Variants in WWOX observed in about 807,000 individuals in gnomAD.
The protein encoded by WWOX is WW domain-containing oxidoreductase.
A neutral mutation model predicts 46.2 loss-of-function variants in WWOX; 69 were observed. That is an observed-to-expected ratio of 1.49 (90% CI 1.23 to 1.82). WWOX has a LOEUF of 1.82. Ranked by LOEUF, WWOX falls within the 40% of genes most tolerant of loss-of-function variation. WWOX has a pLI of 0.00. For missense variants in WWOX, 919 were observed against 542.6 expected, an observed-to-expected ratio of 1.69 and a Z score of -6.89; for synonymous variants, 359 against 202.6, an observed-to-expected ratio of 1.77 and a Z score of -6.56.
chr16:79,157,455 A>G (rs1256941809), intron 8 of WWOX, among the ~76,000 whole-genome samples: 6 of 151,764 alleles, frequency 4.0e-5, no homozygotes, highest in Admixed American at 2.0e-4. Flanking sequence ...CCACAAAACC[A>G]TACCTTCTTT....
intron 8 of WWOX, among the ~76,000 whole-genome samples, chr16:78,901,433 T>G (rs2044828654): frequency 6.6e-6 from 1 of 152,234 alleles, no homozygotes; most frequent in African/African-American, 2.4e-5. Context: ...CCACAACCAC[T>G]TCTGTTTCAT....
intron 8 of WWOX, among the ~76,000 whole-genome samples, chr16:78,893,177 G>C: frequency 6.6e-6 from 1 of 151,338 alleles, no homozygotes; most frequent in Non-Finnish European, 1.5e-5. Flanking sequence ...ACTATGAGAT[G>C]GAATGACTAT....
intron 8 of WWOX, among the ~76,000 whole-genome samples, chr16:78,984,029 C>T (rs2046736065): frequency 1.3e-5 from 2 of 151,646 alleles, no homozygotes; most frequent in South Asian, 4.1e-4. Context: ...AGGCGCCTGC[C>T]ACCATGCCCG....
In WWOX at chr16:78,339,706, G is replaced by A. The variant is rs1417980534; in HGVS notation, c.517-47154G>A. Among the ~76,000 whole-genome samples the A allele has an allele frequency of 1.7e-5, 2 of 118,578 alleles. 1 individual carries two copies. The allele number at this position is 118,578 out of a possible 152,430, so 77.8% of individuals were successfully genotyped here. ...ATTCATTGTTAGGGATAGAATTACA[G>A]ATTTAAAATCAATTTTGCTTCAGAG... On this transcript the variant is annotated intron_variant, in intron 5 of 8. Transcript: ENST00000566780.
intron 8 of WWOX, among the ~76,000 whole-genome samples, chr16:79,090,454 A>G (rs984457320): frequency 5.3e-5 from 8 of 152,196 alleles, no homozygotes; most frequent in Non-Finnish European, 1.2e-4. Flanking sequence ...ACAGCAGTGA[A>G]CAAAGGAAAT....
chr16:79,097,630 C>T (rs1279990624), intron 8 of WWOX, among the ~76,000 whole-genome samples: 4 of 152,276 alleles, frequency 2.6e-5, no homozygotes, highest in African/African-American at 7.2e-5. Flanking sequence ...CATTCAACAT[C>T]GTACTCCAAA....
chr16:78,706,379 C>G (rs1408620065), intron 8 of WWOX, among the ~76,000 whole-genome samples: 1 of 152,064 alleles, frequency 6.6e-6, no homozygotes, highest in South Asian at 2.1e-4. Context: ...AATTAGATGC[C>G]TTCTCCAGGA....
chr16:78,424,979 C>G lies in WWOX; in HGVS notation c.715C>G (p.Leu239Val), dbSNP rs575080327. 6.2e-6 allele frequency: 10 copies of G among 1,614,062 alleles called. No individual in the cohort carries two copies. The highest frequency in any genetic ancestry group is 7.6e-6 in the Non-Finnish European group (9 of 1,180,054). Residue 239 changes from leucine (L) to valine (V), a missense_variant, in exon 7 of 9, where the codon CTT (leucine) becomes GTT (valine). By Grantham distance (32) the Leu-to-Val change is conservative. Transcript: ENST00000566780. ...FQVNHLGHFY[L>V]VQLLQDVLCR... ...AGTGAATCATCTGGGGCACTTCTAC[C>G]TTGTCCAGCTCCTCCAGGATGTTTT...
chr16:78,597,794 T>C (rs2045526232), intron 8 of WWOX, among the ~76,000 whole-genome samples: 1 of 150,578 alleles, frequency 6.6e-6, no homozygotes, highest in African/African-American at 2.4e-5. Context: ...TATATTTCCA[T>C]GAATATACTG....
chr16:78,783,310 G>T (rs2050375620), intron 8 of WWOX, among the ~76,000 whole-genome samples: 1 of 152,226 alleles, frequency 6.6e-6, no homozygotes, highest in African/African-American at 2.4e-5. Flanking sequence ...GCAGTTGAAT[G>T]AAACATGCCA....
intron 8 of WWOX, among the ~76,000 whole-genome samples, chr16:78,671,237 A>G (rs1376275633): frequency 6.6e-6 from 1 of 152,150 alleles, no homozygotes; most frequent in Non-Finnish European, 1.5e-5. Context: ...AGCCTGGGCA[A>G]CAAGGCGAGA....
intron 8 of WWOX, among the ~76,000 whole-genome samples, chr16:78,504,021 T>C (rs886388959): frequency 1.1e-4 from 16 of 152,238 alleles, no homozygotes; most frequent in Admixed American, 5.2e-4. Flanking sequence ...AACATTCAAA[T>C]ACATCTTAAA....
At chr16:79,042,549 G>C (rs948392286) in intron 8 of WWOX, among the ~76,000 whole-genome samples, 1 of 152,118 alleles carries the variant, frequency 6.6e-6, no homozygotes, top group Non-Finnish European at 1.5e-5. Flanking sequence ...ATGTGGGTTT[G>C]TCTATTATTA....
chr16:79,058,404 G>A (rs1597334368), intron 8 of WWOX, among the ~76,000 whole-genome samples: 1 of 152,084 alleles, frequency 6.6e-6, no homozygotes, highest in South Asian at 2.1e-4. Flanking sequence ...TGAATTGTGT[G>A]ATTATTGTTG....
At chr16:78,761,941 A>G (rs559128659) in intron 8 of WWOX, among the ~76,000 whole-genome samples, 17 of 152,280 alleles carry the variant, frequency 1.1e-4, no homozygotes, top group African/African-American at 3.8e-4. Flanking sequence ...AATTATATAC[A>G]TAAGACAAAG....
intron 8 of WWOX, among the ~76,000 whole-genome samples, chr16:78,914,748 A>C (rs1247260676): frequency 6.7e-6 from 1 of 149,972 alleles, no homozygotes; most frequent in African/African-American, 2.4e-5. Flanking sequence ...GCATGCTGGC[A>C]GGCGCCTGTA....
intron 8 of WWOX, among the ~76,000 whole-genome samples, chr16:79,188,697 G>A (rs1010577150): frequency 1.3e-5 from 2 of 152,186 alleles, no homozygotes; most frequent in African/African-American, 4.8e-5. Flanking sequence ...AAGTCTCTTA[G>A]CACAAAGTCC....
chr16:79,205,666 C>G (rs2051486355), intron 8 of WWOX: 1 of 152,048 alleles, frequency 6.6e-6, no homozygotes, highest in Non-Finnish European at 1.5e-5. Flanking sequence ...GCAAAACTCC[C>G]AAAGGTTTAT....
chr16:78,372,281 A>G (rs148963412), intron 5 of WWOX, among the ~76,000 whole-genome samples: 1 of 152,236 alleles, frequency 6.6e-6, no homozygotes, highest in Non-Finnish European at 1.5e-5. Flanking sequence ...ATTCTGTGCA[A>G]ATTCTAGGGT....
Sources: allele counts gnomAD v4.1 joint callset (sites outside exome capture counted in the v4.1 genomes callset), GRCh38; gene constraint gnomAD v4.1.1; transcripts MANE v1.5; gene names NCBI Gene and HGNC (gene_info 2026-07-23, HGNC 2026-07-21).